The following SPDYA variants were observed in gnomAD, a reference collection of about 807,000 sequenced individuals.
SPDYA encodes the protein speedy protein A.
SPDYA carries 11 observed loss-of-function variants against 36.7 expected under a neutral mutation model. The ratio of observed to expected loss-of-function variants is 0.30; its 90% CI spans 0.19 to 0.50. SPDYA has a LOEUF of 0.50. SPDYA is among the 20% of genes least tolerant of loss of function. The probability of loss-of-function intolerance (pLI) is 0.98; values close to 1 mark genes in which losing one functional copy is unlikely to be tolerated. For synonymous variants in SPDYA, 115 were observed against 118.7 expected (o/e 0.97, Z 0.20); for missense variants, 287 against 370.9 (o/e 0.77, Z 1.86).
At chr2:28,821,178 ATTTTTTTTTTTTCTTTTTCTTTT>A (rs1006892715) in intron 4 of SPDYA, among the ~76,000 whole-genome samples, 1 of 130,296 alleles carries the variant, frequency 7.7e-6, no homozygotes, top group African/African-American at 2.9e-5. Flanking sequence ...TTATGATGTG[ATTTTTTTTTTTTCTTTTTCTTTT>A]TTTTTTTTTT....
intron 7 of SPDYA, 147 bp downstream of exon 7, chr2:28,840,616 C>CT (rs1668727489): frequency 7.1e-7 from 1 of 1,407,228 alleles, no homozygotes; most frequent in Non-Finnish European, 9.2e-7. Context: ...CTTTCAGTTA[C>CT]TTTTTGTCTT....
At chr2:28,845,107 C>T (rs1201682555) in intron 7 of SPDYA, among the ~76,000 whole-genome samples, 1 of 151,934 alleles carries the variant, frequency 6.6e-6, no homozygotes, top group Non-Finnish European at 1.5e-5. Flanking sequence ...CCCCCACCAG[C>T]CAGGATCTTG....
At chr2:28,819,845 AAAAAATATATATATATATAT>A (rs1668100488) in intron 4 of SPDYA, among the ~76,000 whole-genome samples, 1 of 33,076 alleles carries the variant, frequency 3.0e-5, no homozygotes, top group Non-Finnish European at 4.9e-5. Context: ...AAAAAAAAAA[AAAAAATATATATATATATAT>A]ATATATATAT....
rs959060351 is a variant in SPDYA, at chr2:28,834,011, ACAAT to A, written c.552+4697_552+4700del. Among the ~76,000 whole-genome samples the A allele has an allele frequency of 1.2e-4, 19 of 152,238 alleles. No homozygotes were observed. The East Asian group carries it at 2.1e-3, about 17-fold the overall frequency. ...AGCTTTACAACTTAATAATAAAAAG[ACAAT>A]CAATTTAAAAAATGGGCAAATAATC... On this transcript the variant is annotated intron_variant, in intron 6 of 7. Coordinates refer to ENST00000334056, the MANE Select transcript of SPDYA (RefSeq NM_182756.4).
Position 28,840,561 on chromosome 2 carries a change from T to C in SPDYA, c.850+92T>C, listed in dbSNP as rs914127320. The C allele has an allele frequency of 6.0e-6, 9 of 1,499,214 alleles. No homozygotes were observed. In the Admixed American group the frequency reaches 7.3e-5, roughly 12 times the overall value. The allele number at this position is 1,499,214 out of a possible 1,614,324, so 92.9% of individuals were successfully genotyped here. The stretch of plus-strand genomic sequence containing the variant: ...TCTGGCGGGGATACATAATAATTTA[T>C]ATACTCCAACAATATGAGTTAAATT... On this transcript the variant is annotated intron_variant, in intron 7 of 7. Coordinates refer to ENST00000334056, the MANE Select transcript of SPDYA (RefSeq NM_182756.4).
At chr2:28,831,377 G>A (rs1056316883) in intron 6 of SPDYA, among the ~76,000 whole-genome samples, 2 of 152,000 alleles carry the variant, frequency 1.3e-5, no homozygotes, top group African/African-American at 2.4e-5. Flanking sequence ...AAATAAAAAA[G>A]GCTTGAAGCA....
At chr2:28,849,804 T>G (rs761982498) in intron 7 of SPDYA, 46 bp from the exon 8 acceptor site, 1 of 1,131,122 alleles carries the variant, frequency 8.8e-7, no homozygotes. Context: ...GTATTTAAAA[T>G]GGACAGATAC....
rs778889522 is a variant in SPDYA at position 28,850,221 on chromosome 2, TTCC to T, written c.*283_*285del. 1.2e-4 allele frequency: 188 copies of T among 1,611,810 alleles called. No homozygotes were observed. Among genetic ancestry groups the T allele is most frequent in the Non-Finnish European group, 1.5e-4 (182 of 1,179,074 alleles). ...TACTCAGTTAAGTTGTGGTTTGACC[TTCC>T]TCAACTTGACAAGAAAAGCTAATTT... On this transcript the variant is annotated 3_prime_UTR_variant, in exon 8 of 8. Transcript: ENST00000334056.
rs1392178031 is a variant in SPDYA at position 28,850,488 on chromosome 2, C to G, written c.*547C>G. The G allele has an allele frequency of 5.5e-6, 5 of 902,990 alleles. No individual in the cohort carries two copies. Among genetic ancestry groups the G allele is most frequent in the Admixed American group, 5.4e-5 (2 of 37,066 alleles). 55.9% of individuals were successfully genotyped at this position (902,990 alleles called of 1,614,324 possible). ...CAAAACTGTTAAAATATGAGTTACT[C>G]TCTTTATTGTAAGTTTTTTCTTTAT... On this transcript the variant is annotated 3_prime_UTR_variant, in exon 8 of 8. Coordinates refer to ENST00000334056, the MANE Select transcript of SPDYA (RefSeq NM_182756.4).
intron 7 of SPDYA, among the ~76,000 whole-genome samples, chr2:28,844,949 A>C (rs1291597939): frequency 6.6e-6 from 1 of 152,188 alleles, no homozygotes; most frequent in African/African-American, 2.4e-5. Flanking sequence ...GAAAAAAATA[A>C]AATAAAAACA....
intron 7 of SPDYA, among the ~76,000 whole-genome samples, chr2:28,843,489 G>A (rs938142358): frequency 6.7e-6 from 1 of 150,270 alleles, no homozygotes; most frequent in Non-Finnish European, 1.5e-5. Flanking sequence ...GGTGGAGGTT[G>A]CAGTGAGCTG....
chr2:28,845,265 CTTTTT>C (rs1362262400), intron 7 of SPDYA, among the ~76,000 whole-genome samples: 1 of 106,900 alleles, frequency 9.4e-6, no homozygotes, highest in Admixed American at 9.6e-5. Context: ...TTTTTTTTTT[CTTTTT>C]TTTTTTGTAG....
chr2:28,839,216 G>A (rs891351772), intron 6 of SPDYA, among the ~76,000 whole-genome samples: 1 of 152,164 alleles, frequency 6.6e-6, no homozygotes, highest in African/African-American at 2.4e-5. Flanking sequence ...GCAAGTGGCA[G>A]TGCCAGGGTA....
At chr2:28,817,880 G>C (rs1182645102) in intron 3 of SPDYA, among the ~76,000 whole-genome samples, 2 of 111,158 alleles carry the variant, frequency 1.8e-5, no homozygotes, top group South Asian at 3.1e-4. Context: ...AAAAAAAAAG[G>C]CTGGATATGG....
chr2:28,818,454 AAAAAAAAG>A (rs1175006096), intron 3 of SPDYA, among the ~76,000 whole-genome samples: 1 of 150,006 alleles, frequency 6.7e-6, no homozygotes, highest in African/African-American at 2.5e-5. Flanking sequence ...AAAAAAAAAA[AAAAAAAAG>A]AGAAAGAGAG....
intron 7 of SPDYA, among the ~76,000 whole-genome samples, chr2:28,841,147 C>T (rs923993699): frequency 1.3e-5 from 2 of 151,748 alleles, no homozygotes; most frequent in Non-Finnish European, 2.9e-5. Flanking sequence ...TTGGCCAGGC[C>T]GGTCTCGAAC....
intron 4 of SPDYA, among the ~76,000 whole-genome samples, chr2:28,821,203 T>C (rs1254657803): frequency 5.8e-5 from 8 of 138,494 alleles, no homozygotes; most frequent in East Asian, 2.0e-4. Context: ...TTTTCTTTTT[T>C]TTTTTTTTTT....
chr2:28,827,553 G>A (rs1469360858), intron 5 of SPDYA, among the ~76,000 whole-genome samples: 4 of 151,958 alleles, frequency 2.6e-5, no homozygotes, highest in African/African-American at 9.7e-5. Context: ...TAAGTTGCCT[G>A]TTTTTCTTGG....
At position 28,849,844 on chromosome 2, in the gene SPDYA, T is replaced by C. The variant is rs1413205102; in HGVS notation, c.851-6T>C. 1 of 1,485,650 alleles carries C rather than the reference T, an allele frequency of 6.7e-7. No individual in the cohort carries two copies. The highest frequency in any genetic ancestry group is 9.2e-7 in the Non-Finnish European group (1 of 1,087,244). The allele number at this position is 1,485,650 out of a possible 1,614,324, so 92.0% of individuals were successfully genotyped here. On this transcript the variant is annotated splice_polypyrimidine_tract_variant and splice_region_variant and intron_variant, in intron 7 of 7. Coordinates refer to ENST00000334056, the MANE Select transcript of SPDYA (RefSeq NM_182756.4). Reference sequence around the variant, plus strand: ...AATTTATCTTAAAATGCATATTTTATTTCAGTAGTCAATGACCATCAATCA... The same window carrying C: ...AATTTATCTTAAAATGCATATTTTACTTCAGTAGTCAATGACCATCAATCA...
Sources: allele counts gnomAD v4.1 joint callset (sites outside exome capture counted in the v4.1 genomes callset), GRCh38; gene constraint gnomAD v4.1.1; transcripts MANE v1.5; gene names NCBI Gene and HGNC (gene_info 2026-07-23, HGNC 2026-07-21).